GRIA3: variants seen among roughly 807,000 people sequenced by gnomAD.
GRIA3 encodes glutamate receptor 3.
GRIA3 carries 3 observed loss-of-function variants against 63.0 expected under a neutral mutation model. The observed-to-expected ratio is 0.05, with a 90% CI of 0.02 to 0.12. The LOEUF is 0.12. Among genes scored for constraint, GRIA3 ranks in the 10% least tolerant of loss-of-function variants. The pLI, the probability that GRIA3 is intolerant of heterozygous loss-of-function variation, is 1.00. For synonymous variants in GRIA3, 274 were observed against 257.9 expected, an observed-to-expected ratio of 1.06 and a Z score of -0.60; for missense variants, 347 against 700.9, an observed-to-expected ratio of 0.50 and a Z score of 5.70.
At chrX:123,253,180 C>T in intron 2 of GRIA3, 123 bp from the exon 3 acceptor site, 1 of 787,083 alleles carries the variant, frequency 1.3e-6, no homozygotes, top group Non-Finnish European at 1.9e-6. Context: ...ACTGGGTTTT[C>T]AGGGGCTTCT....
At chrX:123,256,931 G>A (rs771859957) in intron 3 of GRIA3, among the ~76,000 whole-genome samples, 1 of 111,664 alleles carries the variant, frequency 9.0e-6, no homozygotes, top group Non-Finnish European at 1.9e-5. Flanking sequence ...CTTGGGGACA[G>A]ATTGACTGTG....
At chrX:123,338,433 G>T (rs1218700969) in intron 4 of GRIA3, among the ~76,000 whole-genome samples, 1 of 112,131 alleles carries the variant, frequency 8.9e-6, no homozygotes, top group African/African-American at 3.2e-5. Flanking sequence ...CAATAAACAT[G>T]AAATCCTAGC....
intron 12 of GRIA3, among the ~76,000 whole-genome samples, chrX:123,463,819 A>C (rs1366465580): frequency 9.2e-6 from 1 of 109,203 alleles, no homozygotes; most frequent in Non-Finnish European, 1.9e-5. Context: ...GAGAAAGAAA[A>C]AGAAAGAGAA....
chrX:123,374,239 T>C (rs1252846649), intron 5 of GRIA3, among the ~76,000 whole-genome samples: 1 of 112,015 alleles, frequency 8.9e-6, no homozygotes, highest in Non-Finnish European at 1.9e-5. Flanking sequence ...GCAAGTACCA[T>C]GCTGTTTTGG....
intron 10 of GRIA3, among the ~76,000 whole-genome samples, chrX:123,414,656 G>A (rs2045526499): frequency 9.7e-6 from 1 of 102,662 alleles, no homozygotes; most frequent in Admixed American, 1.1e-4. Context: ...CCACCTATGA[G>A]TGAGAACATG....
At chrX:123,198,250 A>C (rs901356316) in intron 2 of GRIA3, among the ~76,000 whole-genome samples, 4 of 111,960 alleles carry the variant, frequency 3.6e-5, no homozygotes, top group Admixed American at 1.9e-4. Flanking sequence ...GAGCTACTAA[A>C]TGCATTCTAA....
At chrX:123,299,180 C>T (rs1308385537) in intron 3 of GRIA3, among the ~76,000 whole-genome samples, 1 of 111,311 alleles carries the variant, frequency 9.0e-6, no homozygotes, top group Non-Finnish European at 1.9e-5. Flanking sequence ...CAGCTTTGTT[C>T]TTCTTGTTTA....
chrX:123,424,960 A>T (rs1330153081), intron 11 of GRIA3, among the ~76,000 whole-genome samples: 1 of 111,736 alleles, frequency 8.9e-6, no homozygotes, highest in African/African-American at 3.2e-5. Flanking sequence ...AGCAAAATAT[A>T]CCTCTTTCCA....
intron 2 of GRIA3, among the ~76,000 whole-genome samples, chrX:123,211,807 C>T (rs903663782): frequency 9.0e-6 from 1 of 111,560 alleles, no homozygotes; most frequent in Non-Finnish European, 1.9e-5. Context: ...CTGCCACTCT[C>T]GCTCTTTCTT....
intron 3 of GRIA3, among the ~76,000 whole-genome samples, chrX:123,309,482 C>T (rs2044776494): frequency 8.9e-6 from 1 of 111,792 alleles, no homozygotes; most frequent in South Asian, 3.7e-4. Flanking sequence ...GTGTTCTTTG[C>T]TCAAATAATA....
chrX:123,449,684 G>A (rs2045720547), intron 12 of GRIA3, among the ~76,000 whole-genome samples: 1 of 111,996 alleles, frequency 8.9e-6, no homozygotes, highest in Non-Finnish European at 1.9e-5. Flanking sequence ...TCAAAATCGA[G>A]AGCCACAGGA....
chrX:123,223,710 G>C (rs939198989), intron 2 of GRIA3, among the ~76,000 whole-genome samples: 4 of 111,816 alleles, frequency 3.6e-5, no homozygotes, highest in Non-Finnish European at 7.5e-5. Context: ...GGCTGGAAAT[G>C]TGGGGCAGGA....
rs769943858 is a variant in GRIA3, at chrX:123,195,957, T to C, written c.268+9967T>C. On this transcript the variant is annotated intron_variant, in intron 2 of 15. Coordinates refer to ENST00000620443, the MANE Select transcript of GRIA3 (RefSeq NM_007325.5). Reference sequence around the variant, plus strand: ...TCATGACTGAGTGCCAGCTTGACTCTAACTAACCTTCCCCCAGGCAATGCG... The same window carrying C: ...TCATGACTGAGTGCCAGCTTGACTCCAACTAACCTTCCCCCAGGCAATGCG... Among the ~76,000 whole-genome samples, 3 of 111,687 alleles carry C rather than the reference T, an allele frequency of 2.7e-5. No individual in the cohort carries two copies. The East Asian group carries it at 8.5e-4, about 31-fold the overall frequency.
chrX:123,308,720 T>C (rs1394874012), intron 3 of GRIA3, among the ~76,000 whole-genome samples: 22 of 111,777 alleles, frequency 2.0e-4, no homozygotes, highest in Non-Finnish European at 1.1e-4. Flanking sequence ...ACTCATTTCG[T>C]ATCCAGCCAC....
chrX:123,238,870 A>G (rs1462032988), intron 2 of GRIA3, among the ~76,000 whole-genome samples: 1 of 110,468 alleles, frequency 9.1e-6, no homozygotes, highest in African/African-American at 3.3e-5. Flanking sequence ...GAAAAGATAA[A>G]TGGATAGGAA....
intron 13 of GRIA3, among the ~76,000 whole-genome samples, chrX:123,470,899 C>T (rs1023594998): frequency 1.8e-5 from 2 of 111,984 alleles, no homozygotes; most frequent in African/African-American, 3.2e-5. Flanking sequence ...ATTTCGGATA[C>T]TCAGGGTTAA....
intron 11 of GRIA3, among the ~76,000 whole-genome samples, chrX:123,420,568 TTGAGACAATACTAAAGAGTCATTAAGG>T (rs1324530130): frequency 4.5e-5 from 5 of 111,375 alleles, no homozygotes; most frequent in Non-Finnish European, 7.5e-5. Context: ...GTAATCTATG[TTGAGACAATACTAAAGAGTCATTAAGG>T]CTCAAGATTT....
At chrX:123,401,289 T>C (rs1427167923) in intron 7 of GRIA3, among the ~76,000 whole-genome samples, 6 of 111,975 alleles carry the variant, frequency 5.4e-5, no homozygotes, top group Non-Finnish European at 5.6e-5. Context: ...TCATATATCA[T>C]ATTCAGATAG....
intron 2 of GRIA3, among the ~76,000 whole-genome samples, chrX:123,229,267 A>G (rs2044264239): frequency 9.0e-6 from 1 of 111,579 alleles, no homozygotes; most frequent in East Asian, 2.8e-4. Flanking sequence ...ATTACTTCTC[A>G]CTGTATATAA....
Sources: allele counts gnomAD v4.1 joint callset (sites outside exome capture counted in the v4.1 genomes callset), GRCh38; gene constraint gnomAD v4.1.1; transcripts MANE v1.5; gene names NCBI Gene and HGNC (gene_info 2026-07-23, HGNC 2026-07-21).